ENAH: variants seen among roughly 807,000 people sequenced by gnomAD.
The protein encoded by ENAH is protein enabled homolog.
Under a neutral mutation model 78.7 loss-of-function variants are expected in ENAH, and 23 were observed. The observed-to-expected ratio is 0.29, with a 90% confidence interval of 0.21 to 0.41. The LOEUF is 0.41. ENAH is among the 10% of genes least tolerant of loss of function. The pLI is 1.00. For synonymous variants in ENAH, 226 were observed against 241.0 expected, an observed-to-expected ratio of 0.94 and a Z score of 0.58; for missense variants, 544 against 691.0, an observed-to-expected ratio of 0.79 and a Z score of 2.39.
At chr1:225,620,023 C>A (rs933869385) in intron 1 of ENAH, among the ~76,000 whole-genome samples, 3 of 152,102 alleles carry the variant, frequency 2.0e-5, no homozygotes, top group African/African-American at 4.8e-5. Flanking sequence ...ACACATACTT[C>A]AAGGATACGA....
Position 225,490,696 on chromosome 1 carries a change from G to A in ENAH, c.*7079C>T, listed in dbSNP as rs1248964637. 1 of 152,126 alleles carries A rather than the reference G, an allele frequency of 6.6e-6. No individual in the cohort carries two copies. Among genetic ancestry groups the A allele is most frequent in the African/African-American group, 2.4e-5 (1 of 41,418 alleles). The allele number at this position is 152,126 out of a possible 1,614,324, so 9.4% of individuals were successfully genotyped here. A position where few individuals can be genotyped will look rare whatever the true frequency, so the allele number is the denominator to read the frequency against. The stretch of plus-strand genomic sequence containing the variant: ...CATCCCTCTAGTAATAAAGAAGAAA[G>A]GAAATGCTACCTAGATTTTAACAGG... On this transcript the variant is annotated 3_prime_UTR_variant, in exon 14 of 14. Coordinates refer to ENST00000366843, the MANE Select transcript of ENAH (RefSeq NM_018212.6).
At chr1:225,559,454 T>C (rs965015067) in intron 2 of ENAH, among the ~76,000 whole-genome samples, 1 of 152,172 alleles carries the variant, frequency 6.6e-6, no homozygotes, top group Non-Finnish European at 1.5e-5. Context: ...CTTACAGACC[T>C]TTTTTTCTGA....
At chr1:225,597,478 A>G (rs1353475884) in intron 1 of ENAH, among the ~76,000 whole-genome samples, 1 of 152,000 alleles carries the variant, frequency 6.6e-6, no homozygotes, top group African/African-American at 2.4e-5. Flanking sequence ...TGAGTAACAT[A>G]GAAAGACTCT....
intron 3 of ENAH, among the ~76,000 whole-genome samples, chr1:225,543,775 A>T (rs2096600656): frequency 6.6e-6 from 1 of 152,206 alleles, no homozygotes; most frequent in Admixed American, 6.5e-5. Flanking sequence ...ACCCCTTAGG[A>T]ATTTTTTATG....
intron 4 of ENAH, among the ~76,000 whole-genome samples, chr1:225,521,641 CAAA>C (rs559523159): frequency 1.7e-4 from 12 of 69,330 alleles, no homozygotes; most frequent in Non-Finnish European, 1.8e-4. Flanking sequence ...ACCCTGTCTC[CAAA>C]AAAAAAAAAA....
At chr1:225,511,723 A>C in intron 10 of ENAH, 88 bp downstream of exon 10, 1 of 932,904 alleles carries the variant, frequency 1.1e-6, no homozygotes, top group South Asian at 1.8e-5. Flanking sequence ...CACTTGGTCC[A>C]AATATGGGGA....
At chr1:225,584,664 A>G (rs575431502) in intron 1 of ENAH, among the ~76,000 whole-genome samples, 33 of 152,220 alleles carry the variant, frequency 2.2e-4, no homozygotes, top group Admixed American at 6.5e-4. Context: ...CACTTTAAAT[A>G]TACAGAAAGC....
intron 1 of ENAH, among the ~76,000 whole-genome samples, chr1:225,631,513 GCGGT>G (rs1659053285): frequency 6.6e-6 from 1 of 150,550 alleles, no homozygotes; most frequent in African/African-American, 2.4e-5. Context: ...GGCGGAGGTT[GCGGT>G]GAGCTGAGAT....
intron 1 of ENAH, among the ~76,000 whole-genome samples, chr1:225,568,165 T>C (rs1344218323): frequency 1.3e-5 from 2 of 152,248 alleles, no homozygotes; most frequent in East Asian, 1.9e-4. Context: ...AATTCTGTCA[T>C]AGAATCTTTA....
At chr1:225,508,600 T>A (rs570745551) in intron 10 of ENAH, 1 of 152,382 alleles carries the variant, frequency 6.6e-6, no homozygotes, top group African/African-American at 2.4e-5. Flanking sequence ...AGCCGATTAT[T>A]CCAGTTAAAT....
intron 2 of ENAH, among the ~76,000 whole-genome samples, chr1:225,555,318 C>T (rs892267239): frequency 6.6e-6 from 1 of 152,170 alleles, no homozygotes; most frequent in Admixed American, 6.5e-5. Flanking sequence ...CGGTGGCTCA[C>T]GCCTGTAATC....
intron 5 of ENAH, among the ~76,000 whole-genome samples, chr1:225,518,892 A>G (rs1350215385): frequency 1.3e-5 from 2 of 152,206 alleles, no homozygotes; most frequent in African/African-American, 4.8e-5. Flanking sequence ...AAGTTCATCC[A>G]GTATAAAAAA....
At chr1:225,517,542 AGAAAC>A (rs968184156) in intron 5 of ENAH, 1 of 1,551,480 alleles carries the variant, frequency 6.4e-7, no homozygotes, top group African/African-American at 1.4e-5. Context: ...GCACAGGAGA[AGAAAC>A]ACAAACAGGG....
At chr1:225,546,585 C>G (rs1321117375) in intron 3 of ENAH, among the ~76,000 whole-genome samples, 1 of 152,252 alleles carries the variant, frequency 6.6e-6, no homozygotes, top group East Asian at 1.9e-4. Flanking sequence ...AAACAATTTT[C>G]CTTAGAGCTT....
intron 1 of ENAH, among the ~76,000 whole-genome samples, chr1:225,603,166 T>C (rs1253481916): frequency 6.6e-6 from 1 of 152,122 alleles, no homozygotes; most frequent in Non-Finnish European, 1.5e-5. Flanking sequence ...CAATAGAAAT[T>C]TGTTAATGGT....
chr1:225,615,616 G>A (rs1381984451), intron 1 of ENAH, among the ~76,000 whole-genome samples: 6 of 151,308 alleles, frequency 4.0e-5, no homozygotes, highest in African/African-American at 9.7e-5. Flanking sequence ...CTGCCCGGCC[G>A]CCCGGCGTCT....
intron 3 of ENAH, among the ~76,000 whole-genome samples, chr1:225,542,831 T>TGTA (rs2096596116): frequency 6.6e-6 from 1 of 151,872 alleles, no homozygotes; most frequent in African/African-American, 2.4e-5. Flanking sequence ...GCCTGAGCAA[T>TGTA]GTAGTAGCAA....
At position 225,545,062 on chromosome 1, in the gene ENAH, C is replaced by T. The variant is rs796949070; in HGVS notation, c.349+9844G>A. ...GGAATAATTTTTGCCACTTCTGTGA[C>T]TTGCAAAGTCCCACTTCTGGCCAGC... On this transcript the variant is annotated intron_variant, in intron 3 of 13. Coordinates refer to ENST00000366843, the MANE Select transcript of ENAH (RefSeq NM_018212.6). 5.3e-5 allele frequency among the ~76,000 whole-genome samples: 8 copies of T among 152,318 alleles called. 1 individual carries two copies. Among genetic ancestry groups the T allele is most frequent in the African/African-American group, 1.9e-4 (8 of 41,570 alleles).
At chr1:225,508,524 T>C (rs939301479) in intron 10 of ENAH, 1 of 152,232 alleles carries the variant, frequency 6.6e-6, no homozygotes, top group African/African-American at 2.4e-5. Context: ...CAACTCAAAA[T>C]AAATATCAGA....
Sources: gnomAD v4.1 joint callset for allele counts (sites outside exome capture counted in the v4.1 genomes callset) on GRCh38, gnomAD v4.1.1 for gene constraint, MANE v1.5 for transcripts, NCBI Gene and HGNC (gene_info 2026-07-23, HGNC 2026-07-21) for gene names.